RALGPS2: variants seen among roughly 807,000 people sequenced by gnomAD.
RALGPS2 encodes the protein ras-specific guanine nucleotide-releasing factor RalGPS2.
RALGPS2 carries 43 observed loss-of-function variants against 86.8 expected under a neutral mutation model. That is an observed-to-expected ratio of 0.50 (90% confidence interval 0.39 to 0.64). The LOEUF (loss-of-function observed/expected upper bound fraction) is 0.64. Among genes scored for constraint, RALGPS2 ranks in the 30% least tolerant of loss-of-function variants. The pLI is 0.00. For synonymous variants in RALGPS2, 243 were observed against 231.3 expected (o/e 1.05, Z -0.46); for missense variants, 536 against 694.6 (o/e 0.77, Z 2.57).
intron 8 of RALGPS2, chr1:178,864,994 T>C: frequency 1.4e-6 from 2 of 1,470,162 alleles, no homozygotes; most frequent in Non-Finnish European, 1.8e-6. Flanking sequence ...TGAAAGGGCT[T>C]TTGGTGGGAG....
At chr1:178,896,690 C>G (rs559326113) in intron 16 of RALGPS2, among the ~76,000 whole-genome samples, 286 of 146,158 alleles carry the variant, frequency 2.0e-3, no homozygotes, top group African/African-American at 7.1e-3. Flanking sequence ...CAATTCCCAC[C>G]TATGAGTGAG....
At chr1:178,820,338 T>G (rs1488671672) in intron 6 of RALGPS2, among the ~76,000 whole-genome samples, 2 of 152,228 alleles carry the variant, frequency 1.3e-5, no homozygotes, top group African/African-American at 4.8e-5. Context: ...GAGTTCTTAC[T>G]GCTTATGAGA....
At chr1:178,728,477 G>T (rs1650156228) in intron 1 of RALGPS2, among the ~76,000 whole-genome samples, 1 of 141,294 alleles carries the variant, frequency 7.1e-6, no homozygotes, top group Non-Finnish European at 1.5e-5. Context: ...TACACAGTTT[G>T]AGAATAAGAT....
intron 13 of RALGPS2, among the ~76,000 whole-genome samples, chr1:178,888,824 G>A (rs1281502672): frequency 1.3e-5 from 2 of 152,054 alleles, no homozygotes; most frequent in Non-Finnish European, 1.5e-5. Flanking sequence ...GTGTCTGATG[G>A]ATACCTTACA....
chr1:178,794,336 T>C (rs1380478106), intron 4 of RALGPS2, among the ~76,000 whole-genome samples: 1 of 152,130 alleles, frequency 6.6e-6, no homozygotes, highest in Non-Finnish European at 1.5e-5. Context: ...CAGGCTGGGC[T>C]CAAACTCCTG....
chr1:178,854,241 G>A (rs1390252817), intron 8 of RALGPS2, among the ~76,000 whole-genome samples: 2 of 152,038 alleles, frequency 1.3e-5, no homozygotes, highest in Non-Finnish European at 2.9e-5. Context: ...AATGCTGAGG[G>A]ATCGATCTAC....
intron 1 of RALGPS2, among the ~76,000 whole-genome samples, chr1:178,748,685 T>A (rs997251148): frequency 6.6e-6 from 1 of 151,954 alleles, no homozygotes; most frequent in African/African-American, 2.4e-5. Flanking sequence ...AAACCCCATC[T>A]CTACTAAAAA....
intron 16 of RALGPS2, among the ~76,000 whole-genome samples, chr1:178,895,479 A>G (rs552474938): frequency 6.6e-6 from 1 of 152,220 alleles, no homozygotes; most frequent in East Asian, 1.9e-4. Flanking sequence ...CTTTAAAATA[A>G]TGTCATAGGA....
chr1:178,875,012 G>A (rs1374023526), intron 8 of RALGPS2, among the ~76,000 whole-genome samples: 2 of 152,140 alleles, frequency 1.3e-5, no homozygotes, highest in African/African-American at 2.4e-5. Context: ...AATCAAAAAT[G>A]TGTCAAGGGA....
Position 178,874,173 on chromosome 1 carries a change from G to C in RALGPS2, c.608-3325G>C, listed in dbSNP as rs377146434. Among the ~76,000 whole-genome samples, 7 of 152,300 alleles carry C rather than the reference G, an allele frequency of 4.6e-5. No individual in the cohort carries two copies. The East Asian group carries it at 9.6e-4, about 21-fold the overall frequency. ...CAAGGTAATGGTTACTTCTGGACAGGAAGCAAGGAGATGAAGTAGAGAAGG... is the reference window on the plus strand; with the variant it reads ...CAAGGTAATGGTTACTTCTGGACAGCAAGCAAGGAGATGAAGTAGAGAAGG... On this transcript the variant is annotated intron_variant, in intron 8 of 19. Transcript: ENST00000367635.
chr1:178,856,194 G>GATATATATATATATAT (rs776840814), intron 8 of RALGPS2, among the ~76,000 whole-genome samples: 22 of 99,156 alleles, frequency 2.2e-4, no homozygotes, highest in South Asian at 3.3e-4. Flanking sequence ...CTTTTCCAGA[G>GATATATATATATATAT]AGAGAGAGAT....
intron 17 of RALGPS2, 57 bp from the exon 18 acceptor site, chr1:178,902,049 T>G (rs1660199773): frequency 7.7e-7 from 1 of 1,305,288 alleles, no homozygotes; most frequent in Non-Finnish European, 1.1e-6. Flanking sequence ...ACACTGAAGT[T>G]TTGCTAGAAT....
chr1:178,893,536 C>T (rs1259123519), intron 15 of RALGPS2, among the ~76,000 whole-genome samples: 1 of 150,136 alleles, frequency 6.7e-6, no homozygotes, highest in Non-Finnish European at 1.5e-5. Flanking sequence ...CTCATTTTTC[C>T]TACCAGGACT....
intron 10 of RALGPS2, among the ~76,000 whole-genome samples, chr1:178,880,516 A>G (rs1659200557): frequency 6.6e-6 from 1 of 152,184 alleles, no homozygotes; most frequent in African/African-American, 2.4e-5. Flanking sequence ...TTGTTTCACA[A>G]ATCTGTTGCC....
At chr1:178,775,120 C>T (rs1307651651) in intron 1 of RALGPS2, among the ~76,000 whole-genome samples, 1 of 152,152 alleles carries the variant, frequency 6.6e-6, no homozygotes, top group Non-Finnish European at 1.5e-5. Flanking sequence ...ATAGTAATAG[C>T]ATATTTACCA....
At chr1:178,844,054 A>G (rs765665654) in intron 8 of RALGPS2, among the ~76,000 whole-genome samples, 30 of 152,190 alleles carry the variant, frequency 2.0e-4, no homozygotes, top group Non-Finnish European at 3.5e-4. Context: ...ACAGTTGACA[A>G]AAACTTCAGC....
intron 18 of RALGPS2, 64 bp from the exon 19 acceptor site, chr1:178,906,712 G>GT: frequency 7.6e-7 from 1 of 1,317,716 alleles, no homozygotes; most frequent in Non-Finnish European, 1.1e-6. Flanking sequence ...ATTATTATCT[G>GT]GCAGAATTAT....
chr1:178,726,461 G>T (rs1404017379), intron 1 of RALGPS2, among the ~76,000 whole-genome samples: 1 of 151,892 alleles, frequency 6.6e-6, no homozygotes, highest in Non-Finnish European at 1.5e-5. Context: ...ATTTGTTTGA[G>T]TTGGGAGGGG....
At chr1:178,725,677 C>T (rs1362252870) in intron 1 of RALGPS2, 1 of 152,038 alleles carries the variant, frequency 6.6e-6, no homozygotes, top group African/African-American at 2.4e-5. Context: ...GTGGGGTCCC[C>T]GCTCGGGGGC....
Sources: gnomAD v4.1 joint callset for allele counts (sites outside exome capture counted in the v4.1 genomes callset) on GRCh38, gnomAD v4.1.1 for gene constraint, MANE v1.5 for transcripts, NCBI Gene and HGNC (gene_info 2026-07-23, HGNC 2026-07-21) for gene names.